CDKN2AIP: variants seen among roughly 807,000 people sequenced by gnomAD.
The protein encoded by CDKN2AIP is CDKN2A interacting protein.
CDKN2AIP carries 12 observed loss-of-function variants against 44.1 expected under a neutral mutation model. That is an observed-to-expected ratio of 0.27 (90% CI 0.17 to 0.44). CDKN2AIP has a LOEUF of 0.44. Ranked by LOEUF, CDKN2AIP falls within the 20% of genes least tolerant of loss-of-function variation. The pLI, the probability that CDKN2AIP is intolerant of heterozygous loss-of-function variation, is 1.00. For missense variants in CDKN2AIP, 705 were observed against 681.6 expected, an observed-to-expected ratio of 1.03 and a Z score of -0.38; for synonymous variants, 291 against 272.1, an observed-to-expected ratio of 1.07 and a Z score of -0.68.
chr4:183,445,731 TATTGTTACTA>T, intron 2 of CDKN2AIP, 66 bp downstream of exon 2: 1 of 1,342,480 alleles, frequency 7.4e-7, no homozygotes, highest in South Asian at 1.3e-5. Flanking sequence ...AATTAGGAAT[TATTGTTACTA>T]ATTTTTTTAA....
At position 183,446,081 on chromosome 4, in the gene CDKN2AIP, T is replaced by C. The variant is rs760838873; in HGVS notation, c.404-7T>C. On this transcript the variant is annotated splice_polypyrimidine_tract_variant and splice_region_variant and intron_variant, in intron 2 of 2. Coordinates refer to ENST00000504169, the MANE Select transcript of CDKN2AIP (RefSeq NM_017632.4). ...TAGTCACATATCTATGTTTTTCTTC[T>C]TTTTAGAAGGGGTAGAAGAGCCATC... 2 of 1,579,452 alleles carry C rather than the reference T, an allele frequency of 1.3e-6. No individual in the cohort carries two copies. The highest frequency in any genetic ancestry group is 2.7e-5 in the African/African-American group (2 of 73,196).
Position 183,447,063 on chromosome 4 carries a change from A to G in CDKN2AIP, c.1379A>G (p.Asn460Ser), listed in dbSNP as rs200973636. 84 of 1,614,126 alleles carry G rather than the reference A, an allele frequency of 5.2e-5. No homozygotes were observed. The highest frequency in any genetic ancestry group is 4.5e-4 in the East Asian group (20 of 44,882). ...GTAGCTGTTGGTGGCTTTAGTCCCA[A>G]TGTGAATCATGGAGAGCTCCTAAAT... ...KLVAVGGFSP[N>S]VNHGELLNAA... The change falls in exon 3 of 3, where the codon AAT becomes AGT. Residue 460 changes from asparagine to serine, a missense_variant. Asn to Ser is a conservative substitution (Grantham distance 46). This residue lies in a region of CDKN2AIP where 113 missense variants were observed against 163.6 expected (regional missense o/e 0.69). Transcript: ENST00000504169.
Position 183,447,413 on chromosome 4 carries a change from C to T in CDKN2AIP, c.1729C>T (p.Gln577Ter), listed in dbSNP as rs973253902. The part of the protein sequence containing the change: ...VNLPPALKHP[Q>*]ELL ...CTTACCTCCAGCACTAAAACATCCT[C>T]AAGAATTACTATAATGTGTCCAAAA... The change falls in exon 3 of 3, where the codon CAA becomes TAA. Residue 577 changes from glutamine to a stop codon, truncating the protein, a stop_gained. Transcript: ENST00000504169. LOFTEE classifies it high-confidence loss of function. 6.5e-7 allele frequency: 1 copy of T among 1,533,546 alleles called. No individual in the cohort carries two copies. Among genetic ancestry groups the T allele is most frequent in the Non-Finnish European group, 8.7e-7 (1 of 1,145,836 alleles). 95.0% of individuals were successfully genotyped at this position (1,533,546 alleles called of 1,614,324 possible). A position where few individuals can be genotyped will look rare whatever the true frequency, so the allele number is the denominator to read the frequency against.
At position 183,446,167 on chromosome 4, in the gene CDKN2AIP, C is replaced by T. The variant is rs1228219005; in HGVS notation, c.483C>T (p.Thr161=). The change falls in exon 3 of 3, where the codon ACC becomes ACT. Residue 161 remains threonine (T), a synonymous_variant. Coordinates refer to ENST00000504169, the MANE Select transcript of CDKN2AIP (RefSeq NM_017632.4). ...SSAVEQDHAK[T]SAKTERASAQ... ...CAGTTGAGCAAGATCACGCAAAAACCTCTGCCAAGACAGAACGTGCATCAG... is the reference window on the plus strand; with the variant it reads ...CAGTTGAGCAAGATCACGCAAAAACTTCTGCCAAGACAGAACGTGCATCAG... 2 of 1,614,060 alleles carry T rather than the reference C, an allele frequency of 1.2e-6. No homozygotes were observed. The highest frequency in any genetic ancestry group is 1.7e-5 in the Admixed American group (1 of 60,012).
In CDKN2AIP at chr4:183,447,143, G is replaced by A. The variant is rs1466538331; in HGVS notation, c.1459G>A (p.Glu487Lys). 2 of 1,614,164 alleles carry A rather than the reference G, an allele frequency of 1.2e-6. No homozygotes were observed. Among genetic ancestry groups the A allele is most frequent in the East Asian group, 2.2e-5 (1 of 44,884 alleles). ...GGATGTATTTTTTGTCCCACTAAAA[G>A]AATTGGCAGATCTGCCTCAAAATAA... ...TLDVFFVPLK[E>K]LADLPQNKSS... Residue 487 changes from glutamate (E) to lysine (K), a missense_variant, in exon 3 of 3, where the codon GAA (glutamate) becomes AAA (lysine). Glu to Lys is a moderately conservative substitution (Grantham distance 56, BLOSUM62 1). Around this residue, in one of 2 missense-constraint regions of CDKN2AIP, gnomAD observed 113 missense variants for 163.6 expected, o/e 0.69. Coordinates refer to ENST00000504169, the MANE Select transcript of CDKN2AIP (RefSeq NM_017632.4).
In CDKN2AIP at chr4:183,448,138, CTAT is replaced by C. The variant is rs1029704131; in HGVS notation, c.*714_*716del. 1 of 152,132 alleles carries C rather than the reference CTAT, an allele frequency of 6.6e-6. No individual in the cohort carries two copies. Among genetic ancestry groups the C allele is most frequent in the Non-Finnish European group, 1.5e-5 (1 of 67,992 alleles). 9.4% of individuals were successfully genotyped at this position (152,132 alleles called of 1,614,324 possible). ...CTATATTAAGCATATTTTGTGACTA[CTAT>C]TAACAGATTGATTTGTTTAGATATT... On this transcript the variant is annotated 3_prime_UTR_variant, in exon 3 of 3. Transcript: ENST00000504169.
In CDKN2AIP at chr4:183,447,478, T is replaced by C. The variant is rs374596940; in HGVS notation, c.*51T>C. On this transcript the variant is annotated 3_prime_UTR_variant, in exon 3 of 3. Coordinates refer to ENST00000504169, the MANE Select transcript of CDKN2AIP (RefSeq NM_017632.4). ...ATATCTGGTATTTGAAGAGAAAAACTGACTTTTGTATAGTATAAAACACAG... is the reference window on the plus strand; with the variant it reads ...ATATCTGGTATTTGAAGAGAAAAACCGACTTTTGTATAGTATAAAACACAG... The C allele has an allele frequency of 2.1e-5, 28 of 1,361,950 alleles. No homozygotes were observed. The highest frequency in any genetic ancestry group is 7.3e-5 in the African/African-American group (5 of 68,564). 84.4% of individuals were successfully genotyped at this position (1,361,950 alleles called of 1,614,324 possible).
chr4:183,444,950 C>T lies in CDKN2AIP; in HGVS notation c.153C>T (p.Gly51=), dbSNP rs900760052. 6 of 1,611,330 alleles carry T rather than the reference C, an allele frequency of 3.7e-6. No individual in the cohort carries two copies. The highest frequency in any genetic ancestry group is 1.7e-5 in the Admixed American group (1 of 59,948). Residue 51 remains glycine (G), a synonymous_variant, in exon 1 of 3, where the codon GGC becomes GGT. Transcript: ENST00000504169. Reference sequence around the variant, plus strand: ...CCGGGGACCTGGCCCCCGCTGGCGGCGCTGCCTCCGCTAGCACGGATGAAG... The same window carrying T: ...CCGGGGACCTGGCCCCCGCTGGCGGTGCTGCCTCCGCTAGCACGGATGAAG... ...RNAGDLAPAG[G]AASASTDEAA...
At position 183,447,028 on chromosome 4, in the gene CDKN2AIP, A is replaced by T. The variant is rs767688935; in HGVS notation, c.1344A>T (p.Ala448=). The change falls in exon 3 of 3, where the codon GCA becomes GCT. Residue 448 remains alanine, a synonymous_variant. Transcript: ENST00000504169. ...TCAATAGACTATATAAAACGGTGGC[A>T]TGGAAGTTGGTAGCTGTTGGTGGCT... The part of the protein sequence containing the change: ...PFFNRLYKTV[A]WKLVAVGGFS... 1 of 1,614,126 alleles carries T rather than the reference A, an allele frequency of 6.2e-7. No individual in the cohort carries two copies.
At position 183,448,566 on chromosome 4, in the gene CDKN2AIP, C is replaced by T; in HGVS notation, c.*1139C>T. On this transcript the variant is annotated 3_prime_UTR_variant, in exon 3 of 3. Transcript: ENST00000504169. ...TATATTCTGTTTACTTTGCTTCAAA[C>T]TGGCCCCAAGATGTTATTTTTGTGG... Among the ~76,000 whole-genome samples the T allele has an allele frequency of 6.6e-6, 1 of 152,146 alleles. No homozygotes were observed. Among genetic ancestry groups the T allele is most frequent in the East Asian group, 1.9e-4 (1 of 5,198 alleles).
chr4:183,445,443 A>G (rs185202952), intron 1 of CDKN2AIP, 92 bp from the exon 2 acceptor site: 1 of 995,332 alleles, frequency 1.0e-6, no homozygotes, highest in African/African-American at 1.6e-5. Flanking sequence ...TCTTGATTGC[A>G]GCCAGGAAAT....
Position 183,446,810 on chromosome 4 carries a change from A to C in CDKN2AIP, c.1126A>C (p.Ser376Arg). ...VAASLLASKSSSQTSGSLVSK... is the reference protein window; with the variant it reads ...VAASLLASKSRSQTSGSLVSK... ...TGCATCACTACTAGCTTCCAAGAGCAGCTCCCAGACCAGTGGATCTCTGGT... is the reference window on the plus strand; with the variant it reads ...TGCATCACTACTAGCTTCCAAGAGCCGCTCCCAGACCAGTGGATCTCTGGT... The change falls in exon 3 of 3, where the codon AGC becomes CGC. Residue 376 changes from serine to arginine, a missense_variant. Coordinates refer to ENST00000504169, the MANE Select transcript of CDKN2AIP (RefSeq NM_017632.4). The C allele has an allele frequency of 6.2e-7, 1 of 1,614,228 alleles. No individual in the cohort carries two copies. The highest frequency in any genetic ancestry group is 1.1e-5 in the South Asian group (1 of 91,086).
In CDKN2AIP at chr4:183,444,720, C is replaced by A; in HGVS notation, c.-78C>A. 7.2e-7 allele frequency: 1 copy of A among 1,398,280 alleles called. No individual in the cohort carries two copies. 86.6% of individuals were successfully genotyped at this position (1,398,280 alleles called of 1,614,324 possible). A position where few individuals can be genotyped will look rare whatever the true frequency, so the allele number is the denominator to read the frequency against. ...TTATCTGGAGGGCCGCGGGTGCAGG[C>A]CGCAGTGACAGGGCCGCTCGCCCCG... On this transcript the variant is annotated 5_prime_UTR_variant, in exon 1 of 3. Transcript: ENST00000504169.
Position 183,445,936 on chromosome 4 carries a change from GTT to G in CDKN2AIP, c.404-149_404-148del, listed in dbSNP as rs1733656358. 4.3e-6 allele frequency: 3 copies of G among 698,160 alleles called. No individual in the cohort carries two copies. The African/African-American group carries it at 5.4e-5, about 13-fold the overall frequency. 43.2% of individuals were successfully genotyped at this position (698,160 alleles called of 1,614,324 possible). On this transcript the variant is annotated intron_variant, in intron 2 of 2. Coordinates refer to ENST00000504169, the MANE Select transcript of CDKN2AIP (RefSeq NM_017632.4). ...GACATTCATGATGTTATTCAACACTGTTTTAAGAAATTAATGACTCCACACTT... is the reference window on the plus strand; with the variant it reads ...GACATTCATGATGTTATTCAACACTGTTAAGAAATTAATGACTCCACACTT...
Position 183,447,433 on chromosome 4 carries a change from C to T in CDKN2AIP, c.*6C>T, listed in dbSNP as rs754499907. On this transcript the variant is annotated 3_prime_UTR_variant, in exon 3 of 3. Coordinates refer to ENST00000504169, the MANE Select transcript of CDKN2AIP (RefSeq NM_017632.4). ...ATCCTCAAGAATTACTATAATGTGT[C>T]CAAAATATCACTGCATACAATATCT... The T allele has an allele frequency of 6.6e-7, 1 of 1,507,346 alleles. No individual in the cohort carries two copies. The highest frequency in any genetic ancestry group is 8.9e-7 in the Non-Finnish European group (1 of 1,129,134). The allele number at this position is 1,507,346 out of a possible 1,614,324, so 93.4% of individuals were successfully genotyped here. A position where few individuals can be genotyped will look rare whatever the true frequency, so the allele number is the denominator to read the frequency against.
chr4:183,446,048 G>A (rs375888593), intron 2 of CDKN2AIP, 40 bp from the exon 3 acceptor site: 12 of 1,506,230 alleles, frequency 8.0e-6, no homozygotes, highest in African/African-American at 2.8e-5. Context: ...TTTTGTACGA[G>A]GTATTCTTAG....
At chr4:183,445,260 CTG>C (rs1176953689) in intron 1 of CDKN2AIP, 191 bp downstream of exon 1, 10 of 705,026 alleles carry the variant, frequency 1.4e-5, no homozygotes, top group Non-Finnish European at 2.3e-5. Flanking sequence ...TCCCGGACGT[CTG>C]TGTGCCCGGT....
chr4:183,446,811 G>A lies in CDKN2AIP; in HGVS notation c.1127G>A (p.Ser376Asn), dbSNP rs755280246. 1.2e-6 allele frequency: 2 copies of A among 1,614,100 alleles called. No homozygotes were observed. Among genetic ancestry groups the A allele is most frequent in the South Asian group, 2.2e-5 (2 of 91,088 alleles). Residue 376 changes from serine (S) to asparagine (N), a missense_variant, in exon 3 of 3, where the codon AGC (serine) becomes AAC (asparagine). Around this residue, in one of 2 missense-constraint regions of CDKN2AIP, gnomAD observed 592 missense variants for 518.0 expected, o/e 1.14. Coordinates refer to ENST00000504169, the MANE Select transcript of CDKN2AIP (RefSeq NM_017632.4). ...VAASLLASKSSSQTSGSLVSK... is the reference protein window; with the variant it reads ...VAASLLASKSNSQTSGSLVSK... ...GCATCACTACTAGCTTCCAAGAGCA[G>A]CTCCCAGACCAGTGGATCTCTGGTT...
rs201394567 is a variant in CDKN2AIP, at chr4:183,446,080, C to G, written c.404-8C>G. 2 of 1,576,934 alleles carry G rather than the reference C, an allele frequency of 1.3e-6. No homozygotes were observed. Among genetic ancestry groups the G allele is most frequent in the East Asian group, 4.5e-5 (2 of 44,600 alleles). ...TTAGTCACATATCTATGTTTTTCTT[C>G]TTTTTAGAAGGGGTAGAAGAGCCAT... On this transcript the variant is annotated splice_polypyrimidine_tract_variant and splice_region_variant and intron_variant, in intron 2 of 2. Transcript: ENST00000504169.
Sources: allele counts gnomAD v4.1 joint callset (sites outside exome capture counted in the v4.1 genomes callset), GRCh38; gene constraint gnomAD v4.1.1; regional missense constraint gnomAD v4.1.1; transcripts MANE v1.5; gene names NCBI Gene and HGNC (gene_info 2026-07-23, HGNC 2026-07-21).